Variants in PCDH15 observed in about 807,000 individuals in gnomAD.
PCDH15 encodes the protein protocadherin related 15.
In PCDH15, 129 loss-of-function variants were observed where a neutral mutation model predicts 178.5. The ratio of observed to expected loss-of-function variants is 0.72; its 90% CI spans 0.63 to 0.84. The LOEUF (loss-of-function observed/expected upper bound fraction) is 0.84. Ranked by LOEUF, PCDH15 falls within the 40% of genes least tolerant of loss-of-function variation. PCDH15 has a pLI of 0.00. For missense variants in PCDH15, 2,230 were observed against 2,099.9 expected, an observed-to-expected ratio of 1.06 and a Z score of -1.21; for synonymous variants, 800 against 732.0, an observed-to-expected ratio of 1.09 and a Z score of -1.50.
intron 3 of PCDH15, among the ~76,000 whole-genome samples, chr10:54,387,808 T>C (rs766751670): frequency 4.6e-5 from 7 of 152,222 alleles, no homozygotes; most frequent in Non-Finnish European, 8.8e-5. Flanking sequence ...TATCACCTGA[T>C]TAAAGCCTTC....
chr10:53,906,910 T>C (rs1289215760), intron 25 of PCDH15: 1 of 152,032 alleles, frequency 6.6e-6, no homozygotes, highest in Non-Finnish European at 1.5e-5. Context: ...TGCTTGCTCC[T>C]TGTCTCGGGA....
At chr10:55,432,717 C>CT (rs1213311782) in intron 2 of PCDH15, among the ~76,000 whole-genome samples, 1 of 151,982 alleles carries the variant, frequency 6.6e-6, no homozygotes, top group African/African-American at 2.4e-5. Context: ...GTGGCGATTA[C>CT]TTGAAGAACT....
chr10:54,559,562 T>C (rs920622288), intron 2 of PCDH15, among the ~76,000 whole-genome samples: 4 of 152,206 alleles, frequency 2.6e-5, no homozygotes, highest in Middle Eastern at 3.4e-3. Context: ...ACTGAGACCA[T>C]ATATTCTGAA....
intron 1 of PCDH15, among the ~76,000 whole-genome samples, chr10:54,692,076 G>A (rs116110988): frequency 1.8e-3 from 272 of 152,156 alleles, no homozygotes; most frequent in African/African-American, 6.2e-3. Flanking sequence ...CAAACTACCT[G>A]CTGCTGAGAG....
At chr10:54,880,781 T>G (rs1222220797) in intron 3 of PCDH15, among the ~76,000 whole-genome samples, 1 of 149,240 alleles carries the variant, frequency 6.7e-6, no homozygotes, top group East Asian at 2.0e-4. Flanking sequence ...GCATACTAGA[T>G]TCTAGAAATA....
intron 2 of PCDH15, among the ~76,000 whole-genome samples, chr10:55,619,005 T>C (rs1843534175): frequency 6.6e-6 from 1 of 152,060 alleles, no homozygotes; most frequent in South Asian, 2.1e-4. Context: ...AACATGTTCA[T>C]GTGCACATAA....
At chr10:54,862,149 T>A (rs1466050541) in intron 3 of PCDH15, among the ~76,000 whole-genome samples, 1 of 152,154 alleles carries the variant, frequency 6.6e-6, no homozygotes, top group Non-Finnish European at 1.5e-5. Context: ...ATACAATGCA[T>A]ACCTTTTTGT....
Position 55,524,333 on chromosome 10 carries a change from C to T in PCDH15, c.-156+103292G>A, listed in dbSNP as rs374277013. On this transcript the variant is annotated intron_variant, in intron 2 of 5. Coordinates refer to the PCDH15 transcript ENST00000613346. ...TTATATTTAAGTAAATAGCTCCTTCCTCTGTAATTCCATAGTGCCACACTT... is the reference window on the plus strand; with the variant it reads ...TTATATTTAAGTAAATAGCTCCTTCTTCTGTAATTCCATAGTGCCACACTT... Among the ~76,000 whole-genome samples, 6 of 151,548 alleles carry T rather than the reference C, an allele frequency of 4.0e-5. No individual in the cohort carries two copies. In the South Asian group the frequency reaches 8.3e-4, roughly 21 times the overall value.
intron 1 of PCDH15, among the ~76,000 whole-genome samples, chr10:54,769,593 A>G (rs2133247053): frequency 6.6e-6 from 1 of 152,100 alleles, no homozygotes; most frequent in East Asian, 1.9e-4. Flanking sequence ...TGATATATTT[A>G]CAGGAAACAT....
chr10:54,795,405 C>CTTGGTTTTT (rs996796281), intron 1 of PCDH15, among the ~76,000 whole-genome samples: 1 of 151,788 alleles, frequency 6.6e-6, no homozygotes, highest in African/African-American at 2.4e-5. Flanking sequence ...AGGGAGATAT[C>CTTGGTTTTT]TTTTCTAGTA....
At chr10:54,760,260 C>T (rs1184489617) in intron 1 of PCDH15, among the ~76,000 whole-genome samples, 2 of 151,856 alleles carry the variant, frequency 1.3e-5, no homozygotes, top group Non-Finnish European at 2.9e-5. Flanking sequence ...AGATAACTGA[C>T]CACATTTCCT....
At chr10:54,239,391 T>G (rs917321656) in intron 8 of PCDH15, among the ~76,000 whole-genome samples, 3 of 149,712 alleles carry the variant, frequency 2.0e-5, no homozygotes, top group Non-Finnish European at 2.9e-5. Flanking sequence ...AAATTCCTCA[T>G]CTTACACATT....
At chr10:54,168,544 G>A (rs1462396686) in intron 13 of PCDH15, among the ~76,000 whole-genome samples, 3 of 149,456 alleles carry the variant, frequency 2.0e-5, no homozygotes, top group Non-Finnish European at 3.0e-5. Context: ...TTACAGTTTC[G>A]TTCCGTGACT....
chr10:53,873,386 A>G (rs1261832047), intron 26 of PCDH15, among the ~76,000 whole-genome samples: 2 of 152,210 alleles, frequency 1.3e-5, no homozygotes, highest in Admixed American at 6.5e-5. Context: ...TTTATTGAAC[A>G]CTTACAATTT....
chr10:54,660,870 T>C (rs2094478843), intron 2 of PCDH15, among the ~76,000 whole-genome samples: 1 of 152,018 alleles, frequency 6.6e-6, no homozygotes, highest in East Asian at 1.9e-4. Flanking sequence ...CATATGATCA[T>C]CTCAATACCT....
At chr10:54,173,168 T>C (rs1051792728) in intron 13 of PCDH15, among the ~76,000 whole-genome samples, 6 of 152,152 alleles carry the variant, frequency 3.9e-5, no homozygotes, top group African/African-American at 1.2e-4. Context: ...CACTTAATAA[T>C]GTTTAATTTG....
chr10:54,924,230 G>T (rs1837562212), intron 2 of PCDH15, among the ~76,000 whole-genome samples: 1 of 136,912 alleles, frequency 7.3e-6, no homozygotes, highest in Non-Finnish European at 1.7e-5. Flanking sequence ...ACAGCAGGGG[G>T]GAAATCCGCC....
intron 2 of PCDH15, among the ~76,000 whole-genome samples, chr10:54,899,270 T>G (rs1354109323): frequency 3.3e-5 from 5 of 152,126 alleles, no homozygotes; most frequent in Non-Finnish European, 7.4e-5. Flanking sequence ...TATTTTTTAG[T>G]TCTTTAATTT....
At chr10:54,775,899 C>T (rs986066832) in intron 1 of PCDH15, among the ~76,000 whole-genome samples, 1 of 152,000 alleles carries the variant, frequency 6.6e-6, no homozygotes, top group Non-Finnish European at 1.5e-5. Context: ...CAACAACAAA[C>T]ACATAAAAAA....
Sources: gnomAD v4.1 joint callset for allele counts (sites outside exome capture counted in the v4.1 genomes callset) on GRCh38, gnomAD v4.1.1 for gene constraint, MANE v1.5 for transcripts, NCBI Gene and HGNC (gene_info 2026-07-23, HGNC 2026-07-21) for gene names.